The following TJP1 variants were observed in gnomAD, a reference collection of about 807,000 sequenced individuals.
TJP1 encodes the protein tight junction protein ZO-1.
A neutral mutation model predicts 194.2 loss-of-function variants in TJP1; 43 were observed. That is an observed-to-expected ratio of 0.22 (90% confidence interval 0.17 to 0.29). TJP1 has a LOEUF of 0.29. Among genes scored for constraint, TJP1 ranks in the 10% least tolerant of loss-of-function variants. TJP1 has a pLI of 1.00. For missense variants in TJP1, 1,971 were observed against 2,185.7 expected (o/e 0.90, Z 1.96); for synonymous variants, 801 against 779.0 (o/e 1.03, Z -0.47).
chr15:29,949,822 C>G (rs2055575450), intron 2 of TJP1, among the ~76,000 whole-genome samples: 1 of 84,776 alleles, frequency 1.2e-5, no homozygotes, highest in Non-Finnish European at 2.4e-5. Context: ...CCACTGCTAC[C>G]TCCACCACCA....
At chr15:29,839,126 G>C (rs2051138346) in intron 2 of TJP1, among the ~76,000 whole-genome samples, 1 of 149,322 alleles carries the variant, frequency 6.7e-6, no homozygotes, top group South Asian at 2.1e-4. Context: ...AGCCTCCCGA[G>C]TAGCTGGGAC....
At chr15:29,862,870 G>A (rs1452748660) in intron 2 of TJP1, among the ~76,000 whole-genome samples, 34 of 151,274 alleles carry the variant, frequency 2.2e-4, no homozygotes, top group Middle Eastern at 3.4e-3. Context: ...GGATGGTCGC[G>A]ATCTCCTGAC....
intron 1 of TJP1, among the ~76,000 whole-genome samples, chr15:29,806,283 A>C (rs2151918559): frequency 6.6e-6 from 1 of 152,300 alleles, no homozygotes; most frequent in East Asian, 1.9e-4. Context: ...AAGGAATTTG[A>C]GAAGAAGCAG....
At chr15:29,959,466 T>C (rs561184085) in intron 1 of TJP1, among the ~76,000 whole-genome samples, 13 of 152,224 alleles carry the variant, frequency 8.5e-5, no homozygotes, top group Non-Finnish European at 1.6e-4. Context: ...TGATTTTTAA[T>C]GTCTACTTAC....
intron 2 of TJP1, among the ~76,000 whole-genome samples, chr15:29,931,103 G>A (rs1361815172): frequency 2.0e-5 from 3 of 152,094 alleles, no homozygotes; most frequent in Non-Finnish European, 4.4e-5. Context: ...TATGTTATAT[G>A]TATATACCGT....
At chr15:29,793,673 A>AG (rs920593425) in intron 2 of TJP1, among the ~76,000 whole-genome samples, 6 of 152,176 alleles carry the variant, frequency 3.9e-5, no homozygotes, top group African/African-American at 1.4e-4. Flanking sequence ...ACTATATAGT[A>AG]GCAAGGGGAG....
rs1393039488 is a variant in TJP1, at chr15:29,728,026, A to G, written c.2018-7T>C. On this transcript the variant is annotated splice_region_variant and splice_polypyrimidine_tract_variant and intron_variant, in intron 15 of 27. Coordinates refer to ENST00000614355, the MANE Select transcript of TJP1 (RefSeq NM_001330239.4). The stretch of plus-strand genomic sequence containing the variant: ...GCGTCTCGTGGTTCACTCTCTATTC[A>G]TTATGTCAGGACAAAAATAAGACAT... 2.5e-6 allele frequency: 4 copies of G among 1,613,526 alleles called. No homozygotes were observed. In the Admixed American group the frequency reaches 5.0e-5, roughly 20 times the overall value.
At chr15:29,802,348 T>C (rs1009356609) in intron 1 of TJP1, among the ~76,000 whole-genome samples, 1 of 152,108 alleles carries the variant, frequency 6.6e-6, no homozygotes, top group Non-Finnish European at 1.5e-5. Flanking sequence ...TAATTGAAGA[T>C]TAATGCCATT....
At chr15:29,756,196 GCT>G (rs2045633976) in intron 8 of TJP1, among the ~76,000 whole-genome samples, 1 of 152,030 alleles carries the variant, frequency 6.6e-6, no homozygotes, top group Non-Finnish European at 1.5e-5. Flanking sequence ...TCAACTGTGG[GCT>G]CTCTCAGTAT....
chr15:29,906,833 G>C (rs2053831697), intron 2 of TJP1, among the ~76,000 whole-genome samples: 1 of 151,916 alleles, frequency 6.6e-6, no homozygotes, highest in Non-Finnish European at 1.5e-5. Flanking sequence ...GCCCTTCTCA[G>C]TCTCCCAAAG....
chr15:29,850,594 C>A (rs1475442593), intron 2 of TJP1, among the ~76,000 whole-genome samples: 2 of 152,148 alleles, frequency 1.3e-5, no homozygotes, highest in East Asian at 3.9e-4. Context: ...CTTGGCCTCC[C>A]AAAGTGCTGG....
intron 27 of TJP1, among the ~76,000 whole-genome samples, chr15:29,702,646 C>T (rs1405916426): frequency 1.3e-5 from 2 of 152,118 alleles, no homozygotes; most frequent in African/African-American, 2.4e-5. Flanking sequence ...GCCAAAATGT[C>T]AACAGTGCCA....
At chr15:29,902,035 C>T (rs2053651036) in intron 2 of TJP1, among the ~76,000 whole-genome samples, 1 of 151,972 alleles carries the variant, frequency 6.6e-6, no homozygotes, top group East Asian at 1.9e-4. Context: ...AAATATTAAC[C>T]CTCTAGTTCA....
intron 11 of TJP1, among the ~76,000 whole-genome samples, chr15:29,735,156 G>A (rs775969068): frequency 1.3e-5 from 2 of 151,630 alleles, no homozygotes; most frequent in Non-Finnish European, 1.5e-5. Flanking sequence ...GTGACTGTGT[G>A]CAGGATTACA....
At chr15:29,921,019 A>G (rs187871798) in intron 2 of TJP1, among the ~76,000 whole-genome samples, 61 of 152,336 alleles carry the variant, frequency 4.0e-4, no homozygotes, top group East Asian at 3.7e-3. Flanking sequence ...GTAAAAGAAT[A>G]AAGGTAGAAT....
At chr15:29,955,752 TTAAAAAA>T (rs1260780232) in intron 2 of TJP1, among the ~76,000 whole-genome samples, 2 of 54,138 alleles carry the variant, frequency 3.7e-5, no homozygotes, top group Non-Finnish European at 6.9e-5. Context: ...CCCTGGCTCT[TTAAAAAA>T]AAAAAAAAAA....
chr15:29,904,259 C>T (rs772406437), intron 2 of TJP1, among the ~76,000 whole-genome samples: 2 of 152,064 alleles, frequency 1.3e-5, no homozygotes, highest in Admixed American at 6.5e-5. Context: ...AACTGCTCTG[C>T]GGAGATGAGA....
At chr15:29,816,779 A>C (rs2049954824) in intron 1 of TJP1, among the ~76,000 whole-genome samples, 1 of 152,198 alleles carries the variant, frequency 6.6e-6, no homozygotes, top group Non-Finnish European at 1.5e-5. Flanking sequence ...TTAAGATATC[A>C]AGAAAAGCCC....
intron 2 of TJP1, among the ~76,000 whole-genome samples, chr15:29,834,248 A>C (rs528821461): frequency 1.9e-4 from 28 of 148,574 alleles, no homozygotes; most frequent in Non-Finnish European, 3.7e-4. Context: ...TTTGAGACAA[A>C]GTCTCACTCT....
Sources: gnomAD v4.1 joint callset for allele counts (sites outside exome capture counted in the v4.1 genomes callset) on GRCh38, gnomAD v4.1.1 for gene constraint, MANE v1.5 for transcripts, NCBI Gene and HGNC (gene_info 2026-07-23, HGNC 2026-07-21) for gene names.